ELMO1: variants seen among roughly 807,000 people sequenced by gnomAD.
ELMO1 encodes engulfment and cell motility protein 1.
Under a neutral mutation model 98.9 loss-of-function variants are expected in ELMO1, and 26 were observed. That is an observed-to-expected ratio of 0.26 (90% CI 0.19 to 0.36). The LOEUF is 0.36. ELMO1 is among the 10% of genes least tolerant of loss of function. ELMO1 has a pLI of 1.00. For synonymous variants in ELMO1, 346 were observed against 346.0 expected (o/e 1.00, Z 0.00); for missense variants, 627 against 935.2 (o/e 0.67, Z 4.30).
At chr7:36,894,658 T>C (rs1289355789) in intron 17 of ELMO1, among the ~76,000 whole-genome samples, 196 bp downstream of exon 17, 1 of 152,208 alleles carries the variant, frequency 6.6e-6, no homozygotes, top group Non-Finnish European at 1.5e-5. Context: ...TTCCAGCAAC[T>C]GGCCCACTCC....
intron 16 of ELMO1, among the ~76,000 whole-genome samples, chr7:36,973,556 A>C (rs1790168772): frequency 1.3e-5 from 2 of 152,040 alleles, no homozygotes; most frequent in Admixed American, 1.3e-4. Flanking sequence ...CCTGTCTTCT[A>C]AGGCAGTGAG....
At chr7:37,301,622 A>G (rs75616496) in intron 4 of ELMO1, among the ~76,000 whole-genome samples, 1,599 of 149,800 alleles carry the variant, frequency 0.011, 15 homozygotes, top group Middle Eastern at 0.021. Flanking sequence ...TTGGAAAAAT[A>G]AAGAATCGTT....
At position 37,271,818 on chromosome 7, in the gene ELMO1, T is replaced by C. The variant is rs188602471; in HGVS notation, c.243+14A>G. On this transcript the variant is annotated intron_variant, in intron 5 of 21. Coordinates refer to ENST00000310758, the MANE Select transcript of ELMO1 (RefSeq NM_014800.11). ...AAAGAGTTTGCTGGAAGTCAGAAGC[T>C]AAGATCAACTTACTGGAGATGTGGT... The C allele has an allele frequency of 5.0e-4, 808 of 1,613,312 alleles. No individual in the cohort carries two copies. The highest frequency in any genetic ancestry group is 6.3e-4 in the Non-Finnish European group (744 of 1,179,656).
At position 36,927,974 on chromosome 7, in the gene ELMO1, A is replaced by G. The variant is rs187369362; in HGVS notation, c.1438-32957T>C. ...GCCTTGGATTTAATCTTAATAACTC[A>G]TGCCAGTCAATCTCTGATTGTTCAG... On this transcript the variant is annotated intron_variant, in intron 16 of 21. Coordinates refer to ENST00000310758, the MANE Select transcript of ELMO1 (RefSeq NM_014800.11). Among the ~76,000 whole-genome samples, 655 of 152,368 alleles carry G rather than the reference A, an allele frequency of 4.3e-3. 1 individual carries two copies. The highest frequency in any genetic ancestry group is 5.9e-3 in the Non-Finnish European group (403 of 68,038).
chr7:36,927,141 G>C (rs1485947409), intron 16 of ELMO1, among the ~76,000 whole-genome samples: 1 of 152,130 alleles, frequency 6.6e-6, no homozygotes, highest in Non-Finnish European at 1.5e-5. Flanking sequence ...CCTAGGAGTA[G>C]ATAACTATTA....
At chr7:37,101,915 G>C (rs1276737353) in intron 14 of ELMO1, among the ~76,000 whole-genome samples, 2 of 152,098 alleles carry the variant, frequency 1.3e-5, no homozygotes. Context: ...AAACTAAAGC[G>C]TTCCAGCCAC....
At chr7:36,908,407 A>G (rs1206169054) in intron 16 of ELMO1, among the ~76,000 whole-genome samples, 1 of 152,234 alleles carries the variant, frequency 6.6e-6, no homozygotes, top group Non-Finnish European at 1.5e-5. Flanking sequence ...TGAAATTACT[A>G]AGGATTTTTT....
chr7:37,035,249 G>T (rs1170048413), intron 15 of ELMO1, among the ~76,000 whole-genome samples: 1 of 152,168 alleles, frequency 6.6e-6, no homozygotes, highest in Admixed American at 6.5e-5. Flanking sequence ...CAATTTTAAA[G>T]ATAAATCTCT....
At chr7:37,134,645 G>T (rs890053364) in intron 13 of ELMO1, among the ~76,000 whole-genome samples, 1 of 151,522 alleles carries the variant, frequency 6.6e-6, no homozygotes, top group African/African-American at 2.4e-5. Context: ...CAATAGCAAA[G>T]ATATAGAATC....
intron 7 of ELMO1, among the ~76,000 whole-genome samples, chr7:37,237,735 G>A (rs1469437462): frequency 6.6e-6 from 1 of 152,152 alleles, no homozygotes. Flanking sequence ...CCTCCTTGAG[G>A]AAGTAAAATG....
intron 15 of ELMO1, among the ~76,000 whole-genome samples, chr7:37,067,911 A>G (rs1156892617): frequency 6.6e-6 from 1 of 152,208 alleles, no homozygotes; most frequent in African/African-American, 2.4e-5. Flanking sequence ...TAGGCGAGCT[A>G]TTCTCACTCA....
chr7:37,328,307 C>G (rs1799922573), intron 2 of ELMO1, among the ~76,000 whole-genome samples: 1 of 140,350 alleles, frequency 7.1e-6, no homozygotes. Flanking sequence ...CACTTGAACC[C>G]AGAAGGTCAA....
At chr7:37,123,601 T>G (rs1295172734) in intron 14 of ELMO1, among the ~76,000 whole-genome samples, 3 of 152,122 alleles carry the variant, frequency 2.0e-5, no homozygotes, top group Non-Finnish European at 4.4e-5. Flanking sequence ...ACGTTGAATC[T>G]CTGAATAGAC....
chr7:37,121,336 G>C (rs1028176593), intron 14 of ELMO1, among the ~76,000 whole-genome samples: 5 of 152,194 alleles, frequency 3.3e-5, no homozygotes, highest in African/African-American at 1.2e-4. Context: ...TGAGCTAAAG[G>C]ATGAAGGTCG....
intron 14 of ELMO1, among the ~76,000 whole-genome samples, chr7:37,113,439 G>A (rs1277746122): frequency 2.0e-5 from 3 of 152,168 alleles, no homozygotes; most frequent in Non-Finnish European, 4.4e-5. Context: ...AAATAAAGGA[G>A]GTAAGGTAGA....
chr7:37,200,957 A>T (rs1464576242), intron 13 of ELMO1, among the ~76,000 whole-genome samples: 2 of 151,988 alleles, frequency 1.3e-5, no homozygotes. Context: ...AAAAAAAAAA[A>T]AATACAAATA....
intron 15 of ELMO1, among the ~76,000 whole-genome samples, chr7:37,091,837 C>T (rs555772487): frequency 5.9e-5 from 9 of 152,046 alleles, no homozygotes; most frequent in Admixed American, 2.0e-4. Flanking sequence ...AGAATGAGAA[C>T]GGAGCAAAAG....
At chr7:37,338,841 C>T (rs1174850020) in intron 2 of ELMO1, among the ~76,000 whole-genome samples, 2 of 152,154 alleles carry the variant, frequency 1.3e-5, no homozygotes, top group African/African-American at 4.8e-5. Context: ...TTGAGACCTT[C>T]CTGTGATACA....
chr7:37,233,319 C>A (rs1327912244), intron 7 of ELMO1, 125 bp from the exon 8 acceptor site: 1 of 728,352 alleles, frequency 1.4e-6, no homozygotes, highest in Non-Finnish European at 2.2e-6. Context: ...AATAGCAGGA[C>A]CACAGGTGAC....
Sources: gnomAD v4.1 joint callset for allele counts (sites outside exome capture counted in the v4.1 genomes callset) on GRCh38, gnomAD v4.1.1 for gene constraint, MANE v1.5 for transcripts, NCBI Gene and HGNC (gene_info 2026-07-23, HGNC 2026-07-21) for gene names.